Variants in ARHGEF38 observed in about 807,000 individuals in gnomAD.
ARHGEF38 encodes Rho guanine nucleotide exchange factor 38, also known as Rho guanine nucleotide exchange factor (GEF) 38.
Under a neutral mutation model 79.9 loss-of-function variants are expected in ARHGEF38, and 79 were observed. The observed-to-expected ratio is 0.99, with a 90% CI of 0.82 to 1.19. The LOEUF (loss-of-function observed/expected upper bound fraction) is 1.19, where lower values mean the gene tolerates loss of function less well. ARHGEF38 is among the 50% of genes most tolerant of loss of function. ARHGEF38 has a pLI of 0.00. For synonymous variants in ARHGEF38, 366 were observed against 328.3 expected (o/e 1.11, Z -1.24); for missense variants, 962 against 907.2 (o/e 1.06, Z -0.78).
At chr4:105,628,789 C>T (rs1366117450) in intron 3 of ARHGEF38, among the ~76,000 whole-genome samples, 1 of 152,028 alleles carries the variant, frequency 6.6e-6, no homozygotes, top group Non-Finnish European at 1.5e-5. Context: ...CATATAATCA[C>T]AGGAAAATCC....
At chr4:105,572,473 C>T (rs1017727187) in intron 1 of ARHGEF38, among the ~76,000 whole-genome samples, 3 of 152,118 alleles carry the variant, frequency 2.0e-5, no homozygotes, top group Non-Finnish European at 2.9e-5. Flanking sequence ...CTGTAAACAT[C>T]ACCACCACCT....
chr4:105,653,353 C>T (rs536530316), intron 7 of ARHGEF38, among the ~76,000 whole-genome samples: 22 of 147,404 alleles, frequency 1.5e-4, no homozygotes, highest in African/African-American at 2.8e-4. Flanking sequence ...GACAGAGTCT[C>T]GCTCTGTTGC....
chr4:105,574,860 AT>A (rs1405093381), intron 1 of ARHGEF38, among the ~76,000 whole-genome samples: 1 of 151,978 alleles, frequency 6.6e-6, no homozygotes, highest in Non-Finnish European at 1.5e-5. Context: ...GTAGTTTTGT[AT>A]CCCATATAGA....
At chr4:105,582,455 A>G (rs766669933) in intron 1 of ARHGEF38, among the ~76,000 whole-genome samples, 1 of 152,070 alleles carries the variant, frequency 6.6e-6, no homozygotes, top group Non-Finnish European at 1.5e-5. Flanking sequence ...TCCTTATAAC[A>G]GATATCTTCT....
At chr4:105,625,717 A>G (rs1220634914) in intron 3 of ARHGEF38, among the ~76,000 whole-genome samples, 3 of 152,196 alleles carry the variant, frequency 2.0e-5, no homozygotes, top group Non-Finnish European at 4.4e-5. Flanking sequence ...TGGCCATACC[A>G]ATTGGATGGG....
chr4:105,565,024 G>A (rs1352850667), intron 1 of ARHGEF38, among the ~76,000 whole-genome samples: 1 of 152,204 alleles, frequency 6.6e-6, no homozygotes, highest in African/African-American at 2.4e-5. Context: ...CTCTGTCTGT[G>A]CTATGCTGAT....
intron 8 of ARHGEF38, 23 bp from the exon 9 acceptor site, chr4:105,655,580 G>A (rs1284816414): frequency 2.0e-6 from 3 of 1,529,530 alleles, no homozygotes; most frequent in African/African-American, 1.4e-5. Context: ...TGCCTTTTTT[G>A]TAACTTTGTT....
intron 2 of ARHGEF38, among the ~76,000 whole-genome samples, chr4:105,599,297 GCTCT>G (rs1455459468): frequency 6.6e-6 from 1 of 152,074 alleles, no homozygotes; most frequent in African/African-American, 2.4e-5. Context: ...CAGCTTCAGT[GCTCT>G]CTAATTTTTA....
intron 13 of ARHGEF38, among the ~76,000 whole-genome samples, chr4:105,672,361 G>T (rs966237100): frequency 1.3e-5 from 2 of 152,128 alleles, no homozygotes; most frequent in African/African-American, 2.4e-5. Context: ...CTACAAAAAA[G>T]TTCCCCCAAA....
intron 5 of ARHGEF38, among the ~76,000 whole-genome samples, chr4:105,638,996 C>T (rs1414859374): frequency 6.6e-6 from 1 of 151,870 alleles, no homozygotes; most frequent in Non-Finnish European, 1.5e-5. Context: ...ATTGTCAGAA[C>T]ATTTCAAAAA....
chr4:105,642,770 A>G (rs532178730), intron 5 of ARHGEF38, among the ~76,000 whole-genome samples: 10 of 152,244 alleles, frequency 6.6e-5, no homozygotes, highest in African/African-American at 1.9e-4. Flanking sequence ...ATAACAAAAG[A>G]CCACACTAAT....
chr4:105,633,861 C>T (rs748251699), intron 4 of ARHGEF38, among the ~76,000 whole-genome samples: 2 of 152,038 alleles, frequency 1.3e-5, no homozygotes, highest in Non-Finnish European at 2.9e-5. Flanking sequence ...TAAATAACAC[C>T]AGAAGCTTTC....
At chr4:105,635,674 G>A (rs1409495847) in intron 4 of ARHGEF38, among the ~76,000 whole-genome samples, 3 of 152,124 alleles carry the variant, frequency 2.0e-5, no homozygotes, top group Admixed American at 6.6e-5. Context: ...AAGGAAGCAT[G>A]TGAGCTTAAA....
chr4:105,665,973 T>TA lies in ARHGEF38; in HGVS notation c.1546-195dup, dbSNP rs200824653. ...CTGTTCTTTCATTTGGCTTGAAACT[T>TA]AAAAAAAAATTCCTATCATGTTTGT... On this transcript the variant is annotated intron_variant, in intron 10 of 13. Coordinates refer to ENST00000420470, the MANE Select transcript of ARHGEF38 (RefSeq NM_001242729.2). 7.8e-3 allele frequency among the ~76,000 whole-genome samples: 1,185 copies of TA among 151,726 alleles called. 19 individuals carry two copies. Among genetic ancestry groups the TA allele is most frequent in the African/African-American group, 0.027 (1,127 of 41,404 alleles).
chr4:105,682,417 G>C (rs1358679401), downstream of ARHGEF38: 2 of 225,036 alleles, frequency 8.9e-6, no homozygotes, highest in Non-Finnish European at 1.8e-5. Context: ...AACTCTTGGG[G>C]CTTTGCTAGA....
chr4:105,584,988 T>C (rs1241457391), intron 1 of ARHGEF38, among the ~76,000 whole-genome samples: 1 of 152,232 alleles, frequency 6.6e-6, no homozygotes, highest in African/African-American at 2.4e-5. Flanking sequence ...CCCAGCTTTG[T>C]TCTGACTTTC....
chr4:105,635,405 G>C (rs911288526), intron 4 of ARHGEF38, among the ~76,000 whole-genome samples: 8 of 151,618 alleles, frequency 5.3e-5, no homozygotes, highest in African/African-American at 1.9e-4. Context: ...TTTAATTTAT[G>C]TTATGATATT....
chr4:105,582,101 G>T (rs1726821680), intron 1 of ARHGEF38, among the ~76,000 whole-genome samples: 1 of 143,746 alleles, frequency 7.0e-6, no homozygotes, highest in Non-Finnish European at 1.5e-5. Flanking sequence ...GGAGGTGGAG[G>T]TTACAGTGAG....
chr4:105,617,352 T>C (rs1728550700), intron 3 of ARHGEF38, among the ~76,000 whole-genome samples: 1 of 152,186 alleles, frequency 6.6e-6, no homozygotes, highest in South Asian at 2.1e-4. Context: ...GATTGGTGTA[T>C]ATATGATGAA....
Sources: allele counts gnomAD v4.1 joint callset (sites outside exome capture counted in the v4.1 genomes callset), GRCh38; gene constraint gnomAD v4.1.1; transcripts MANE v1.5; gene names NCBI Gene and HGNC (gene_info 2026-07-23, HGNC 2026-07-21).